DLGAP1: variants seen among roughly 807,000 people sequenced by gnomAD.
DLGAP1 encodes the protein disks large-associated protein 1.
In DLGAP1, 11 loss-of-function variants were observed where a neutral mutation model predicts 90.8. The ratio of observed to expected loss-of-function variants is 0.12; its 90% CI spans 0.08 to 0.20. The LOEUF (loss-of-function observed/expected upper bound fraction) is 0.20. Among genes scored for constraint, DLGAP1 ranks in the 10% least tolerant of loss-of-function variants. The pLI is 1.00. For synonymous variants in DLGAP1, 558 were observed against 540.7 expected, an observed-to-expected ratio of 1.03 and a Z score of -0.44; for missense variants, 1,050 against 1,333.8, an observed-to-expected ratio of 0.79 and a Z score of 3.31.
rs200336639 is a variant in DLGAP1 at position 3,977,927 on chromosome 18, GAGACA to G, written c.-73+27184_-73+27188del. On this transcript the variant is annotated intron_variant, in intron 3 of 12. Transcript: ENST00000315677. ...GTCCATGACCAACACGTTGGTGGTG[GAGACA>G]AGGAAGGCCATGCCAGTAAGCTTTC... is the stretch of plus-strand genomic sequence containing the variant. 1,819 of 355,700 alleles carry G rather than the reference GAGACA, an allele frequency of 5.1e-3. 27 individuals are homozygous for G. The highest frequency in any genetic ancestry group is 0.036 in the African/African-American group (1,684 of 46,300). The allele number at this position is 355,700 out of a possible 1,614,324, so 22.0% of individuals were successfully genotyped here.
chr18:3,785,596 G>C (rs2065411145), intron 5 of DLGAP1, among the ~76,000 whole-genome samples: 1 of 152,172 alleles, frequency 6.6e-6, no homozygotes, highest in African/African-American at 2.4e-5. Flanking sequence ...AATGGGCCTA[G>C]AAGACAGAAA....
intron 7 of DLGAP1, among the ~76,000 whole-genome samples, chr18:3,612,184 G>A (rs1265308981): frequency 6.6e-6 from 1 of 152,182 alleles, no homozygotes; most frequent in Non-Finnish European, 1.5e-5. Flanking sequence ...AGCAAGATCC[G>A]ATCTCAAAAT....
chr18:3,753,850 G>C (rs1298590520), intron 5 of DLGAP1, among the ~76,000 whole-genome samples: 1 of 152,158 alleles, frequency 6.6e-6, no homozygotes, highest in Non-Finnish European at 1.5e-5. Flanking sequence ...GTGAACCCAA[G>C]GAAGCCAGGC....
chr18:3,821,111 C>A (rs899172668), intron 4 of DLGAP1, among the ~76,000 whole-genome samples: 3 of 151,842 alleles, frequency 2.0e-5, no homozygotes, highest in Non-Finnish European at 4.4e-5. Context: ...ATAGCAAGAC[C>A]CCATCTCTAC....
chr18:3,857,704 G>C (rs1458125047), intron 4 of DLGAP1, among the ~76,000 whole-genome samples: 1 of 152,064 alleles, frequency 6.6e-6, no homozygotes, highest in Non-Finnish European at 1.5e-5. Flanking sequence ...GTGTAGCCCA[G>C]GAAGTTGGCT....
chr18:4,018,626 G>A (rs1448837370), intron 2 of DLGAP1, among the ~76,000 whole-genome samples: 1 of 152,206 alleles, frequency 6.6e-6, no homozygotes, highest in African/African-American at 2.4e-5. Flanking sequence ...AATATTTGTC[G>A]AATGAATAAA....
intron 2 of DLGAP1, among the ~76,000 whole-genome samples, chr18:4,059,665 C>A (rs1488340456): frequency 1.3e-5 from 2 of 151,972 alleles, no homozygotes; most frequent in African/African-American, 4.8e-5. Context: ...GAGCCAAGAT[C>A]GTGCCATTGT....
chr18:3,505,404 C>T (rs549313849), intron 11 of DLGAP1, among the ~76,000 whole-genome samples: 38 of 151,988 alleles, frequency 2.5e-4, no homozygotes, highest in African/African-American at 6.0e-4. Flanking sequence ...TTTGGAAGGC[C>T]GAGGCGGGAG....
intron 1 of DLGAP1, among the ~76,000 whole-genome samples, chr18:4,200,029 C>A (rs1466667253): frequency 6.6e-6 from 1 of 152,090 alleles, no homozygotes; most frequent in Admixed American, 6.5e-5. Context: ...TGTTTCATAG[C>A]CATATTTTAC....
At chr18:4,003,900 A>G (rs917492127) in intron 3 of DLGAP1, among the ~76,000 whole-genome samples, 1 of 152,188 alleles carries the variant, frequency 6.6e-6, no homozygotes, top group African/African-American at 2.4e-5. Flanking sequence ...GTATTTGGTA[A>G]GATGATTTGA....
At chr18:3,810,227 A>G (rs985913103) in intron 5 of DLGAP1, among the ~76,000 whole-genome samples, 1 of 152,028 alleles carries the variant, frequency 6.6e-6, no homozygotes, top group Non-Finnish European at 1.5e-5. Flanking sequence ...TCTCAAAACT[A>G]CTCCTAACAC....
intron 9 of DLGAP1, among the ~76,000 whole-genome samples, chr18:3,558,044 A>G (rs1447402330): frequency 1.3e-5 from 2 of 152,214 alleles, no homozygotes; most frequent in African/African-American, 4.8e-5. Flanking sequence ...TGTTGGATGA[A>G]GTAGTTTATA....
intron 1 of DLGAP1, among the ~76,000 whole-genome samples, chr18:4,203,493 T>C (rs551698991): frequency 6.6e-6 from 1 of 152,290 alleles, no homozygotes; most frequent in Admixed American, 6.5e-5. Flanking sequence ...AAAAACACAA[T>C]TTTGTTTGCC....
chr18:3,566,853 ACTCC>A (rs1381122026), intron 9 of DLGAP1, among the ~76,000 whole-genome samples: 28 of 152,028 alleles, frequency 1.8e-4, no homozygotes, highest in African/African-American at 6.3e-4. Context: ...CCACCAAGAA[ACTCC>A]CAGTTTGAGA....
intron 3 of DLGAP1, among the ~76,000 whole-genome samples, chr18:3,935,535 G>C (rs2072616161): frequency 6.6e-6 from 1 of 152,154 alleles, no homozygotes; most frequent in Admixed American, 6.5e-5. Flanking sequence ...TACGTCTCAG[G>C]ATGGGCTGCT....
chr18:4,055,341 T>G (rs2075197955), intron 2 of DLGAP1, among the ~76,000 whole-genome samples: 1 of 152,210 alleles, frequency 6.6e-6, no homozygotes, highest in African/African-American at 2.4e-5. Flanking sequence ...ATAGGTAAAT[T>G]GCACACCGTG....
intron 4 of DLGAP1, among the ~76,000 whole-genome samples, chr18:3,835,476 T>C (rs1055415918): frequency 2.6e-5 from 4 of 151,802 alleles, no homozygotes; most frequent in African/African-American, 7.3e-5. Context: ...GGTGAAACCC[T>C]GTCTCTACTA....
intron 2 of DLGAP1, among the ~76,000 whole-genome samples, chr18:4,028,162 TGCAAA>T (rs2074733566): frequency 6.6e-6 from 1 of 152,250 alleles, no homozygotes; most frequent in South Asian, 2.1e-4. Context: ...GGGCTGTTAT[TGCAAA>T]GACAATCTGA....
chr18:3,754,714 A>C (rs2063642974), intron 5 of DLGAP1, among the ~76,000 whole-genome samples: 1 of 140,684 alleles, frequency 7.1e-6, no homozygotes, highest in African/African-American at 2.8e-5. Context: ...ACCCGTCTCT[A>C]CTAAAATACA....
Sources: allele counts gnomAD v4.1 joint callset (sites outside exome capture counted in the v4.1 genomes callset), GRCh38; gene constraint gnomAD v4.1.1; transcripts MANE v1.5; gene names NCBI Gene and HGNC (gene_info 2026-07-23, HGNC 2026-07-21).